The following FGGY variants were observed in gnomAD, a reference collection of about 807,000 sequenced individuals.
The protein encoded by FGGY is FGGY carbohydrate kinase domain containing.
In FGGY, 72 loss-of-function variants were observed where a neutral mutation model predicts 71.3. The observed-to-expected ratio is 1.01, with a 90% CI of 0.84 to 1.23. The LOEUF is 1.23. Among genes scored for constraint, FGGY ranks in the 50% most tolerant of loss-of-function variants. The probability of loss-of-function intolerance (pLI) is 0.00; values close to 1 mark genes in which losing one functional copy is unlikely to be tolerated. For synonymous variants in FGGY, 251 were observed against 250.3 expected, an observed-to-expected ratio of 1.00 and a Z score of -0.02; for missense variants, 668 against 682.3, an observed-to-expected ratio of 0.98 and a Z score of 0.23.
chr1:59,754,428 T>C (rs996500697), intron 14 of FGGY, among the ~76,000 whole-genome samples: 1 of 152,208 alleles, frequency 6.6e-6, no homozygotes, highest in Non-Finnish European at 1.5e-5. Context: ...TGTTTGGTTT[T>C]GTTTTGAGAT....
At chr1:59,472,807 A>T (rs1002084861) in intron 6 of FGGY, among the ~76,000 whole-genome samples, 3 of 151,956 alleles carry the variant, frequency 2.0e-5, no homozygotes, top group African/African-American at 7.3e-5. Context: ...CAGGGATTGT[A>T]AATACACCAA....
intron 5 of FGGY, among the ~76,000 whole-genome samples, chr1:59,396,400 A>AT (rs1026523161): frequency 1.7e-4 from 26 of 151,484 alleles, no homozygotes; most frequent in African/African-American, 4.1e-4. Flanking sequence ...GTTTCTTTTG[A>AT]TTTTTTTTTC....
chr1:59,668,337 C>T (rs1372012793), intron 13 of FGGY, among the ~76,000 whole-genome samples: 1 of 152,122 alleles, frequency 6.6e-6, no homozygotes, highest in Non-Finnish European at 1.5e-5. Flanking sequence ...CACTGGGTGG[C>T]CAGGTACCAC....
intron 15 of FGGY, among the ~76,000 whole-genome samples, chr1:59,760,632 T>A (rs1003525728): frequency 6.6e-6 from 1 of 152,214 alleles, no homozygotes; most frequent in African/African-American, 2.4e-5. Flanking sequence ...AAGCAATTTC[T>A]GACATGCCAC....
chr1:59,608,875 G>T (rs543356030), intron 9 of FGGY, among the ~76,000 whole-genome samples: 6 of 152,262 alleles, frequency 3.9e-5, no homozygotes, highest in African/African-American at 1.4e-4. Context: ...AGTTCTCTTT[G>T]TATCCACCTC....
intron 10 of FGGY, among the ~76,000 whole-genome samples, chr1:59,630,836 T>G (rs1013745729): frequency 6.6e-6 from 1 of 152,102 alleles, no homozygotes; most frequent in Non-Finnish European, 1.5e-5. Flanking sequence ...TCCCACCTCT[T>G]TTCACATAAC....
chr1:59,702,417 G>A (rs753905292), intron 14 of FGGY, among the ~76,000 whole-genome samples: 4 of 152,138 alleles, frequency 2.6e-5, no homozygotes, highest in African/African-American at 4.8e-5. Context: ...CTTATTGGGA[G>A]AAAAGGTTAG....
intron 8 of FGGY, among the ~76,000 whole-genome samples, chr1:59,598,322 A>C (rs1325814628): frequency 6.6e-6 from 1 of 152,174 alleles, no homozygotes; most frequent in South Asian, 2.1e-4. Context: ...TTTTTTGGCT[A>C]TTCTCTCTCT....
intron 8 of FGGY, among the ~76,000 whole-genome samples, chr1:59,578,579 A>G (rs899576738): frequency 2.6e-5 from 4 of 152,148 alleles, no homozygotes; most frequent in Non-Finnish European, 5.9e-5. Context: ...TTTAATTATT[A>G]TAATAGAGTG....
At chr1:59,440,843 T>A (rs1242664477) in intron 5 of FGGY, among the ~76,000 whole-genome samples, 1 of 151,378 alleles carries the variant, frequency 6.6e-6, no homozygotes, top group Admixed American at 6.6e-5. Context: ...GGTGAAGGTG[T>A]TTCAGGAGTG....
At chr1:59,602,395 A>G (rs2096586786) in intron 8 of FGGY, among the ~76,000 whole-genome samples, 4 of 152,232 alleles carry the variant, frequency 2.6e-5, no homozygotes. Context: ...AATAACTCTT[A>G]GCAATGACTA....
At chr1:59,688,708 A>G (rs1297836029) in intron 14 of FGGY, among the ~76,000 whole-genome samples, 1 of 152,050 alleles carries the variant, frequency 6.6e-6, no homozygotes, top group Non-Finnish European at 1.5e-5. Context: ...GGGGACGTCC[A>G]AGAACTGGAC....
intron 2 of FGGY, among the ~76,000 whole-genome samples, chr1:59,339,384 C>T (rs2050203466): frequency 6.6e-6 from 1 of 152,054 alleles, no homozygotes; most frequent in South Asian, 2.1e-4. Flanking sequence ...GGAATCTTCT[C>T]ATATGCTCTT....
chr1:59,381,222 A>G (rs139558994), intron 5 of FGGY, among the ~76,000 whole-genome samples: 154 of 152,160 alleles, frequency 1.0e-3, no homozygotes, highest in East Asian at 9.7e-3. Context: ...AAGTCAGGTA[A>G]CGTGATGCCT....
chr1:59,556,188 A>G (rs1273356098), intron 8 of FGGY, among the ~76,000 whole-genome samples: 1 of 152,190 alleles, frequency 6.6e-6, no homozygotes, highest in Non-Finnish European at 1.5e-5. Flanking sequence ...TTCACTGAAT[A>G]CTGATTTAAT....
intron 14 of FGGY, among the ~76,000 whole-genome samples, chr1:59,738,982 T>G (rs1573894805): frequency 6.6e-6 from 1 of 152,166 alleles, no homozygotes; most frequent in East Asian, 1.9e-4. Flanking sequence ...CCCAAACCAC[T>G]GGACCTAAGT....
chr1:59,630,896 T>G (rs1353135631), intron 10 of FGGY, among the ~76,000 whole-genome samples: 1 of 152,144 alleles, frequency 6.6e-6, no homozygotes, highest in Non-Finnish European at 1.5e-5. Context: ...CTGTTTAGAG[T>G]GGAGTTTCTC....
intron 8 of FGGY, 89 bp downstream of exon 8, chr1:59,554,316 A>G (rs751700589): frequency 6.7e-5 from 64 of 958,356 alleles, no homozygotes; most frequent in Non-Finnish European, 9.5e-5. Context: ...TCACCCTTTC[A>G]CTTCTTTCCT....
At chr1:59,561,195 GATTCCACACGGTAC>G (rs1192645709) in intron 8 of FGGY, among the ~76,000 whole-genome samples, 2 of 152,160 alleles carry the variant, frequency 1.3e-5, no homozygotes, top group African/African-American at 4.8e-5. Context: ...AGTGGGATGG[GATTCCACACGGTAC>G]AGTAGACCAC....
Sources: gnomAD v4.1 joint callset for allele counts (sites outside exome capture counted in the v4.1 genomes callset) on GRCh38, gnomAD v4.1.1 for gene constraint, MANE v1.5 for transcripts, NCBI Gene and HGNC (gene_info 2026-07-23, HGNC 2026-07-21) for gene names.